Variants in GALK2 observed in about 807,000 individuals in gnomAD.
The protein encoded by GALK2 is galactokinase 2.
A neutral mutation model predicts 52.4 loss-of-function variants in GALK2; 36 were observed. The ratio of observed to expected loss-of-function variants is 0.69; its 90% CI spans 0.53 to 0.91. GALK2 has a LOEUF of 0.91. GALK2 is among the 40% of genes least tolerant of loss of function. GALK2 has a pLI of 0.00. For missense variants in GALK2, 579 were observed against 559.1 expected (o/e 1.04, Z -0.36); for synonymous variants, 176 against 199.1 (o/e 0.88, Z 0.98).
intron 1 of GALK2, among the ~76,000 whole-genome samples, chr15:49,174,166 T>G (rs28731311): frequency 0.52 from 79,081 of 152,036 alleles, 21,182 homozygotes; most frequent in Admixed American, 0.63. Flanking sequence ...CATCCTTGTG[T>G]ACATATACAT....
chr15:49,340,422 C>G (rs1009620547), intron 3 of GALK2, among the ~76,000 whole-genome samples: 10 of 143,290 alleles, frequency 7.0e-5, no homozygotes, highest in Middle Eastern at 3.4e-3. Context: ...CTCCCCCCCC[C>G]GCTTTGCCTC....
chr15:49,270,303 G>T (rs937897196), intron 5 of GALK2, among the ~76,000 whole-genome samples: 1 of 152,204 alleles, frequency 6.6e-6, no homozygotes, highest in Non-Finnish European at 1.5e-5. Flanking sequence ...GGAGGCCAAG[G>T]TGAAAGGGCA....
upstream of GALK2, among the ~76,000 whole-genome samples, chr15:49,168,595 G>A (rs550173831): frequency 1.3e-5 from 2 of 151,928 alleles, no homozygotes; most frequent in Non-Finnish European, 2.9e-5. Flanking sequence ...GCGGCTGCCT[G>A]TATTCCCAGC....
chr15:49,353,517 A>C (rs1022024740), intron 3 of GALK2: 1 of 152,166 alleles, frequency 6.6e-6, no homozygotes, highest in Non-Finnish European at 1.5e-5. Context: ...CTCACATTTC[A>C]TCAAGTTAAC....
chr15:49,297,259 C>T (rs2034564219), intron 8 of GALK2, among the ~76,000 whole-genome samples: 1 of 151,976 alleles, frequency 6.6e-6, no homozygotes, highest in Admixed American at 6.6e-5. Flanking sequence ...TGTCCTTTGC[C>T]CATTTTTTAA....
chr15:49,216,189 A>C (rs1344007567), intron 2 of GALK2, among the ~76,000 whole-genome samples: 1 of 152,050 alleles, frequency 6.6e-6, no homozygotes, highest in Non-Finnish European at 1.5e-5. Flanking sequence ...AGCCTGTATA[A>C]TACTGGATCT....
chr15:49,159,592 A>G (rs1055167593), intron 1 of GALK2, among the ~76,000 whole-genome samples: 1 of 149,446 alleles, frequency 6.7e-6, no homozygotes, highest in Non-Finnish European at 1.5e-5. Context: ...AAAAAAAAAA[A>G]TAAAATAAAA....
At chr15:49,271,324 C>T (rs1162532566) in intron 5 of GALK2, among the ~76,000 whole-genome samples, 1 of 152,230 alleles carries the variant, frequency 6.6e-6, no homozygotes, top group East Asian at 1.9e-4. Context: ...TCTCCTCTTC[C>T]CAGTAGTAGT....
At chr15:49,178,341 T>A (rs547685408) in intron 1 of GALK2, 2 of 141,550 alleles carry the variant, frequency 1.4e-5, no homozygotes, top group Non-Finnish European at 3.0e-5. Flanking sequence ...ATATACATGA[T>A]GTACATGTAT....
chr15:49,268,205 A>G (rs1422047192), intron 5 of GALK2, among the ~76,000 whole-genome samples: 1 of 152,232 alleles, frequency 6.6e-6, no homozygotes, highest in African/African-American at 2.4e-5. Flanking sequence ...GAAGACTAAT[A>G]TTAAACAAAC....
At chr15:49,170,599 C>T in intron 1 of GALK2, 1 of 541,320 alleles carries the variant, frequency 1.8e-6, no homozygotes. Flanking sequence ...TTTTCTTCAT[C>T]CATGCAGATT....
Position 49,328,261 on chromosome 15 carries a change from T to G in GALK2, c.*102T>G. 6.8e-7 allele frequency: 1 copy of G among 1,464,974 alleles called. No individual in the cohort carries two copies. The highest frequency in any genetic ancestry group is 2.6e-5 in the Admixed American group (1 of 38,774). The allele number at this position is 1,464,974 out of a possible 1,614,324, so 90.7% of individuals were successfully genotyped here. A position where few individuals can be genotyped will look rare whatever the true frequency, so the allele number is the denominator to read the frequency against. ...ATCTTCCTTCTGTTTTGTATTATGATGAACGGTTGCTATTATATCAAGATA... is the reference window on the plus strand; with the variant it reads ...ATCTTCCTTCTGTTTTGTATTATGAGGAACGGTTGCTATTATATCAAGATA... On this transcript the variant is annotated 3_prime_UTR_variant, in exon 10 of 10. Coordinates refer to ENST00000560031, the MANE Select transcript of GALK2 (RefSeq NM_002044.4).
intron 1 of GALK2, among the ~76,000 whole-genome samples, chr15:49,177,348 A>G (rs1004746076): frequency 6.8e-6 from 1 of 146,992 alleles, no homozygotes; most frequent in Non-Finnish European, 1.5e-5. Flanking sequence ...CTATTGTATC[A>G]CACAGTATGT....
chr15:49,242,956 A>G (rs987601295), intron 5 of GALK2, among the ~76,000 whole-genome samples: 23 of 152,194 alleles, frequency 1.5e-4, no homozygotes, highest in Non-Finnish European at 2.1e-4. Context: ...GACATAAATA[A>G]CCATAAACCA....
At chr15:49,356,253 T>C (rs1174782462) in intron 3 of GALK2, among the ~76,000 whole-genome samples, 1 of 151,514 alleles carries the variant, frequency 6.6e-6, no homozygotes, top group East Asian at 1.9e-4. Flanking sequence ...TAAATGTAAA[T>C]GGACTAAATG....
At chr15:49,260,342 T>G (rs1333574021) in intron 5 of GALK2, among the ~76,000 whole-genome samples, 1 of 151,880 alleles carries the variant, frequency 6.6e-6, no homozygotes, top group Non-Finnish European at 1.5e-5. Flanking sequence ...TTTCATGTGT[T>G]TTTTGGCTGC....
upstream of GALK2, among the ~76,000 whole-genome samples, chr15:49,166,664 C>T (rs1016859001): frequency 1.3e-5 from 2 of 152,074 alleles, no homozygotes; most frequent in African/African-American, 2.4e-5. Flanking sequence ...GAGCCGAGAT[C>T]GCGCCATTGC....
At chr15:49,260,254 CTTTTT>C (rs2092034464) in intron 5 of GALK2, among the ~76,000 whole-genome samples, 1 of 151,974 alleles carries the variant, frequency 6.6e-6, no homozygotes, top group Non-Finnish European at 1.5e-5. Flanking sequence ...TGTTTCCTGA[CTTTTT>C]AATGATCGCC....
chr15:49,190,628 C>T (rs776433396), intron 1 of GALK2, among the ~76,000 whole-genome samples: 2 of 152,114 alleles, frequency 1.3e-5, no homozygotes, highest in Non-Finnish European at 2.9e-5. Flanking sequence ...ATATTTGAGT[C>T]CTTGTGGATG....
Sources: gnomAD v4.1 joint callset for allele counts (sites outside exome capture counted in the v4.1 genomes callset) on GRCh38, gnomAD v4.1.1 for gene constraint, MANE v1.5 for transcripts, NCBI Gene and HGNC (gene_info 2026-07-23, HGNC 2026-07-21) for gene names.